Variants in HS6ST2 observed in about 807,000 individuals in gnomAD.
The protein encoded by HS6ST2 is heparan sulfate 6-O-sulfotransferase 2.
A neutral mutation model predicts 33.0 loss-of-function variants in HS6ST2; 17 were observed. The observed-to-expected ratio is 0.52, with a 90% CI of 0.35 to 0.77. The LOEUF is 0.77. Ranked by LOEUF, HS6ST2 falls within the 30% of genes least tolerant of loss-of-function variation. The pLI is 0.01. For synonymous variants in HS6ST2, 248 were observed against 237.1 expected, an observed-to-expected ratio of 1.05 and a Z score of -0.42; for missense variants, 519 against 551.7, an observed-to-expected ratio of 0.94 and a Z score of 0.59.
In HS6ST2 at chrX:132,627,297, C is replaced by A. The variant is rs2063486078; in HGVS notation, c.*926G>T. On this transcript the variant is annotated 3_prime_UTR_variant, in exon 5 of 5. Coordinates refer to ENST00000370833, the MANE Select transcript of HS6ST2 (RefSeq NM_001394073.1). ...ATAGAAAGAAAGTCCTGACTTTAAT[C>A]CAGGATTATATACCACAATAACTTC... The A allele has an allele frequency of 8.9e-6, 1 of 112,164 alleles. No individual in the cohort carries two copies. The highest frequency in any genetic ancestry group is 9.5e-5 in the Admixed American group (1 of 10,560). The allele number at this position is 112,164 out of a possible 1,213,427, so 9.2% of individuals were successfully genotyped here.
chrX:132,698,215 A>G (rs1353048121), intron 3 of HS6ST2, among the ~76,000 whole-genome samples: 2 of 112,431 alleles, frequency 1.8e-5, no homozygotes, highest in African/African-American at 6.5e-5. Context: ...AAAATAGCAT[A>G]AATGAAACTC....
intron 4 of HS6ST2, among the ~76,000 whole-genome samples, chrX:132,637,731 C>CTA (rs1347346120): frequency 9.6e-5 from 7 of 72,763 alleles, no homozygotes; most frequent in East Asian, 8.2e-4. Context: ...TATATATGTG[C>CTA]TATATATATA....
At chrX:132,890,654 G>A (rs2066300217) in intron 2 of HS6ST2, among the ~76,000 whole-genome samples, 1 of 110,160 alleles carries the variant, frequency 9.1e-6, no homozygotes, top group African/African-American at 3.3e-5. Flanking sequence ...TATTGATCAA[G>A]CTCATTTTGC....
chrX:132,894,518 A>ATGTTC (rs2066354591), intron 2 of HS6ST2, among the ~76,000 whole-genome samples: 2 of 104,238 alleles, frequency 1.9e-5, no homozygotes, highest in Admixed American at 2.1e-4. Context: ...ATGTTATGTT[A>ATGTTC]TGTTATGTTA....
chrX:132,840,803 C>A (rs1321324685), intron 2 of HS6ST2, among the ~76,000 whole-genome samples: 2 of 111,856 alleles, frequency 1.8e-5, no homozygotes, highest in Non-Finnish European at 3.8e-5. Flanking sequence ...CTGTATGCTG[C>A]CTGTTCTTAA....
chrX:132,638,765 C>T (rs772601717), intron 4 of HS6ST2, among the ~76,000 whole-genome samples: 305 of 112,050 alleles, frequency 2.7e-3, no homozygotes, highest in Admixed American at 6.1e-3. Context: ...ATCCATGAGA[C>T]AAGCAAGACT....
At chrX:132,659,351 T>A (rs1363474413) in intron 4 of HS6ST2, among the ~76,000 whole-genome samples, 1 of 111,637 alleles carries the variant, frequency 9.0e-6, no homozygotes, top group Non-Finnish European at 1.9e-5. Flanking sequence ...TGTAATGGAG[T>A]AATAGCTATT....
chrX:132,954,678 C>T (rs926825599), intron 2 of HS6ST2, among the ~76,000 whole-genome samples: 2 of 111,841 alleles, frequency 1.8e-5, no homozygotes, highest in East Asian at 5.8e-4. Context: ...ATGCATTTCT[C>T]TAGCAAGTTT....
chrX:132,891,509 A>G (rs1457185721), intron 2 of HS6ST2, among the ~76,000 whole-genome samples: 4 of 108,912 alleles, frequency 3.7e-5, no homozygotes, highest in African/African-American at 1.0e-4. Flanking sequence ...AGCATTAGGT[A>G]TATCTCCTAA....
chrX:132,750,503 A>G (rs2064695348), intron 2 of HS6ST2, among the ~76,000 whole-genome samples: 1 of 111,701 alleles, frequency 9.0e-6, no homozygotes, highest in Non-Finnish European at 1.9e-5. Context: ...TGGGCTGTAC[A>G]GTAGTGCTGC....
At chrX:132,715,029 G>A (rs1427438576) in intron 2 of HS6ST2, among the ~76,000 whole-genome samples, 1 of 112,196 alleles carries the variant, frequency 8.9e-6, no homozygotes, top group Non-Finnish European at 1.9e-5. Flanking sequence ...CCTCTGTGCT[G>A]GCAAATCATT....
chrX:132,958,673 C>A, upstream of HS6ST2: 1 of 977,220 alleles, frequency 1.0e-6, no homozygotes, highest in Non-Finnish European at 1.4e-6. Context: ...ATGCCTCACG[C>A]CTAAGAGCTC....
chrX:132,717,799 C>T (rs2064289798), intron 2 of HS6ST2, among the ~76,000 whole-genome samples: 1 of 111,929 alleles, frequency 8.9e-6, no homozygotes, highest in Admixed American at 9.5e-5. Context: ...ATCATGACCA[C>T]TTCAACAGTT....
At chrX:132,949,168 T>C (rs892286469) in intron 2 of HS6ST2, among the ~76,000 whole-genome samples, 13 of 110,267 alleles carry the variant, frequency 1.2e-4, no homozygotes, top group Non-Finnish European at 2.3e-4. Context: ...CTCCCAGTTA[T>C]GGATGTTTAG....
chrX:132,758,881 C>G (rs977815885), intron 2 of HS6ST2, among the ~76,000 whole-genome samples: 4 of 111,928 alleles, frequency 3.6e-5, no homozygotes, highest in Admixed American at 2.9e-4. Context: ...TCAAGCCTGT[C>G]TCGTCTGCAC....
chrX:132,637,710 T>C (rs376284349), intron 4 of HS6ST2, among the ~76,000 whole-genome samples: 1 of 87,236 alleles, frequency 1.1e-5, no homozygotes, highest in Non-Finnish European at 2.1e-5. Flanking sequence ...CATTCTATTA[T>C]ACCTGTAGCA....
chrX:132,898,804 C>A (rs1202175281), intron 2 of HS6ST2, among the ~76,000 whole-genome samples: 1 of 111,175 alleles, frequency 9.0e-6, no homozygotes, highest in Non-Finnish European at 1.9e-5. Flanking sequence ...AAGAGAGCTA[C>A]ATAGGAGAGA....
chrX:132,739,489 C>T (rs920243196), intron 2 of HS6ST2, among the ~76,000 whole-genome samples: 4 of 110,940 alleles, frequency 3.6e-5, no homozygotes, highest in African/African-American at 9.8e-5. Context: ...CCGAGGCAGA[C>T]GGATCACTTG....
intron 3 of HS6ST2, among the ~76,000 whole-genome samples, chrX:132,708,185 T>A (rs887543398): frequency 3.8e-5 from 4 of 105,137 alleles, no homozygotes. Flanking sequence ...AAAGAGCTAA[T>A]GACCTACTGC....
Sources: allele counts gnomAD v4.1 joint callset (sites outside exome capture counted in the v4.1 genomes callset), GRCh38; gene constraint gnomAD v4.1.1; transcripts MANE v1.5; gene names NCBI Gene and HGNC (gene_info 2026-07-23, HGNC 2026-07-21).